Variants in WDSUB1 observed in about 807,000 individuals in gnomAD.
WDSUB1 encodes WD repeat, sterile alpha motif and U-box domain containing 1, also known as WD repeat, SAM and U-box domain-containing protein 1.
Under a neutral mutation model 53.9 loss-of-function variants are expected in WDSUB1, and 49 were observed. The observed-to-expected ratio is 0.91, with a 90% confidence interval of 0.72 to 1.15. The LOEUF (loss-of-function observed/expected upper bound fraction) is 1.15, where lower values mean the gene tolerates loss of function less well. WDSUB1 is among the 50% of genes most tolerant of loss of function. The pLI is 0.00. For synonymous variants in WDSUB1, 194 were observed against 200.6 expected (o/e 0.97, Z 0.28); for missense variants, 514 against 562.0 (o/e 0.91, Z 0.86).
rs2061810344 is a variant in WDSUB1, at chr2:159,286,689, G to A, written c.-131C>T. ...CGGGGCGGGCGCCGGCGGAGACCCA[G>A]AGCAGAGGGAACAGGCCCCGCCCCC... On this transcript the variant is annotated 5_prime_UTR_variant, in exon 1 of 11. Coordinates refer to ENST00000359774, the MANE Select transcript of WDSUB1 (RefSeq NM_001128212.3). 1 of 152,478 alleles carries A rather than the reference G, an allele frequency of 6.6e-6. No homozygotes were observed. The highest frequency in any genetic ancestry group is 1.5e-5 in the Non-Finnish European group (1 of 68,390). The allele number at this position is 152,478 out of a possible 1,614,324, so 9.4% of individuals were successfully genotyped here.
chr2:159,279,961 A>G lies in WDSUB1; in HGVS notation c.399-16T>C. 1.3e-6 allele frequency: 2 copies of G among 1,594,678 alleles called. No individual in the cohort carries two copies. Among genetic ancestry groups the G allele is most frequent in the South Asian group, 2.2e-5 (2 of 89,452 alleles). On this transcript the variant is annotated splice_polypyrimidine_tract_variant and intron_variant, in intron 2 of 10. Transcript: ENST00000359774. ...ACTACCACATCTGAAATAAAAGCAA[A>G]AAGTGGGTTTTCATTTCAGAGTATC...
chr2:159,246,672 A>G (rs2060804917), intron 10 of WDSUB1, among the ~76,000 whole-genome samples: 1 of 151,914 alleles, frequency 6.6e-6, no homozygotes, highest in Non-Finnish European at 1.5e-5. Flanking sequence ...AGAAATGTCC[A>G]GACAAAGATC....
chr2:159,261,771 G>A (rs907724340), intron 5 of WDSUB1, among the ~76,000 whole-genome samples: 4 of 147,546 alleles, frequency 2.7e-5, no homozygotes, highest in Non-Finnish European at 4.5e-5. Flanking sequence ...CTACATGGCT[G>A]GGGGTCAGGA....
rs529239782 is a variant in WDSUB1, at chr2:159,250,920, T to C, written c.1133-2408A>G. Among the ~76,000 whole-genome samples the C allele has an allele frequency of 6.6e-4, 100 of 152,190 alleles. No homozygotes were observed. The South Asian group carries it at 0.017, about 26-fold the overall frequency. ...TGTCATAAATGTTTCCAGAACATGT[T>C]TGCAATAAGACAGTAGACATCTCAT... On this transcript the variant is annotated intron_variant, in intron 9 of 10. Transcript: ENST00000359774.
intron 2 of WDSUB1, among the ~76,000 whole-genome samples, chr2:159,280,690 C>CAAAAAAAAAAAAAAAAAAAAAA (rs58584838): frequency 1.2e-4 from 7 of 59,572 alleles, no homozygotes; most frequent in African/African-American, 5.1e-4. Context: ...GACTCCGTCT[C>CAAAAAAAAAAAAAAAAAAAAAA]AAAAAAAAAA....
chr2:159,249,397 T>G (rs1181172149), intron 9 of WDSUB1, among the ~76,000 whole-genome samples: 1 of 152,236 alleles, frequency 6.6e-6, no homozygotes, highest in Non-Finnish European at 1.5e-5. Context: ...ATTGGCTGTT[T>G]ACACTTTTAG....
chr2:159,276,673 A>G (rs192200979), intron 3 of WDSUB1, among the ~76,000 whole-genome samples: 2 of 152,334 alleles, frequency 1.3e-5, no homozygotes, highest in Non-Finnish European at 2.9e-5. Flanking sequence ...TGCACCTAAT[A>G]TCACAAGTAG....
intron 2 of WDSUB1, among the ~76,000 whole-genome samples, chr2:159,281,582 A>C (rs1455246603): frequency 6.6e-6 from 1 of 152,198 alleles, no homozygotes; most frequent in Non-Finnish European, 1.5e-5. Flanking sequence ...ACCAGGCATG[A>C]GGTTCCTTCT....
In WDSUB1 at chr2:159,254,903, G is replaced by A. The variant is rs77339228; in HGVS notation, c.1132+1293C>T. Reference sequence around the variant, plus strand: ...CCCAACACTTTGGGAGGCCAAGGCTGGAGGACTGCTTGACCCCAGCAGTTT... The same window carrying A: ...CCCAACACTTTGGGAGGCCAAGGCTAGAGGACTGCTTGACCCCAGCAGTTT... On this transcript the variant is annotated intron_variant, in intron 9 of 10. Coordinates refer to ENST00000359774, the MANE Select transcript of WDSUB1 (RefSeq NM_001128212.3). Among the ~76,000 whole-genome samples the A allele has an allele frequency of 1.1e-3, 168 of 152,196 alleles. No individual in the cohort carries two copies. In the East Asian group the frequency reaches 0.032, roughly 29 times the overall value.
chr2:159,275,087 A>G (rs2061513095), intron 4 of WDSUB1, among the ~76,000 whole-genome samples: 1 of 152,210 alleles, frequency 6.6e-6, no homozygotes, highest in Non-Finnish European at 1.5e-5. Flanking sequence ...GGAAGTTGTA[A>G]AAAGAGAGAT....
intron 5 of WDSUB1, among the ~76,000 whole-genome samples, chr2:159,267,895 G>T (rs745898581): frequency 7.2e-5 from 11 of 152,078 alleles, no homozygotes; most frequent in Non-Finnish European, 1.5e-4. Context: ...TCATTTGCCT[G>T]TATATTTGTC....
Position 159,252,359 on chromosome 2 carries a change from A to G in WDSUB1, c.1132+3837T>C, listed in dbSNP as rs571175094. ...ACATTTCCAACAAAACAAGATAGCAAGATATCTTCATGAACCCTACAATAT... is the reference window on the plus strand; with the variant it reads ...ACATTTCCAACAAAACAAGATAGCAGGATATCTTCATGAACCCTACAATAT... On this transcript the variant is annotated intron_variant, in intron 9 of 10. Coordinates refer to ENST00000359774, the MANE Select transcript of WDSUB1 (RefSeq NM_001128212.3). 2.6e-5 allele frequency among the ~76,000 whole-genome samples: 4 copies of G among 152,328 alleles called. No individual in the cohort carries two copies. The East Asian group carries it at 7.7e-4, about 29-fold the overall frequency.
chr2:159,249,842 G>C (rs945956429), intron 9 of WDSUB1, among the ~76,000 whole-genome samples: 2 of 150,644 alleles, frequency 1.3e-5, no homozygotes, highest in African/African-American at 2.4e-5. Context: ...TAGGCAGGTG[G>C]ATCACTTGAG....
At chr2:159,283,246 G>T (rs144475526) in intron 1 of WDSUB1, among the ~76,000 whole-genome samples, 153 bp from the exon 2 acceptor site, 54 of 152,304 alleles carry the variant, frequency 3.5e-4, no homozygotes, top group African/African-American at 1.3e-3. Flanking sequence ...TCGGCAGCAG[G>T]GACCAGTTTC....
intron 6 of WDSUB1, among the ~76,000 whole-genome samples, chr2:159,258,723 GTATTTAAGTGGGACTCATACA>G (rs2061124099): frequency 6.6e-6 from 1 of 152,134 alleles, no homozygotes; most frequent in Admixed American, 6.5e-5. Context: ...CATTTTAGGT[GTATTTAAGTGGGACTCATACA>G]TATTTTACAG....
chr2:159,284,491 T>TA (rs1057093588), intron 1 of WDSUB1, among the ~76,000 whole-genome samples: 72 of 151,238 alleles, frequency 4.8e-4, no homozygotes, highest in Admixed American at 1.7e-3. Flanking sequence ...GATTTGCTCT[T>TA]AAAAAAAAAC....
At chr2:159,246,966 T>G (rs1344537219) in intron 10 of WDSUB1, among the ~76,000 whole-genome samples, 2 of 152,220 alleles carry the variant, frequency 1.3e-5, no homozygotes, top group Non-Finnish European at 1.5e-5. Context: ...ACGTGTGGTT[T>G]TTTTTGTAGA....
intron 4 of WDSUB1, among the ~76,000 whole-genome samples, chr2:159,273,541 C>G (rs997637879): frequency 6.6e-6 from 1 of 152,086 alleles, no homozygotes; most frequent in Non-Finnish European, 1.5e-5. Flanking sequence ...CTGACTCAGG[C>G]TCCCAAGAAG....
chr2:159,259,452 A>C (rs990169588), intron 6 of WDSUB1, among the ~76,000 whole-genome samples: 1 of 152,164 alleles, frequency 6.6e-6, no homozygotes, highest in Non-Finnish European at 1.5e-5. Context: ...GTCACTTTCA[A>C]CCATATTCAC....
Sources: gnomAD v4.1 joint callset for allele counts (sites outside exome capture counted in the v4.1 genomes callset) on GRCh38, gnomAD v4.1.1 for gene constraint, MANE v1.5 for transcripts, NCBI Gene and HGNC (gene_info 2026-07-23, HGNC 2026-07-21) for gene names.